Variants in SLF2 observed in about 807,000 individuals in gnomAD.
SLF2 encodes SMC5/6 complex localization factor 2.
A neutral mutation model predicts 124.3 loss-of-function variants in SLF2; 68 were observed. The observed-to-expected ratio is 0.55, with a 90% CI of 0.45 to 0.67. The LOEUF (loss-of-function observed/expected upper bound fraction) is 0.67, where lower values mean the gene tolerates loss of function less well. Ranked by LOEUF, SLF2 falls within the 30% of genes least tolerant of loss-of-function variation. The pLI, the probability that SLF2 is intolerant of heterozygous loss-of-function variation, is 0.00. For synonymous variants in SLF2, 480 were observed against 478.8 expected, an observed-to-expected ratio of 1.00 and a Z score of -0.03; for missense variants, 1,246 against 1,373.7, an observed-to-expected ratio of 0.91 and a Z score of 1.47.
At chr10:100,957,926 G>A (rs571757365) in intron 18 of SLF2, among the ~76,000 whole-genome samples, 1 of 152,156 alleles carries the variant, frequency 6.6e-6, no homozygotes, top group African/African-American at 2.4e-5. Context: ...GTGCGTGCCT[G>A]TAGTCTCAGC....
chr10:100,924,713 CA>C lies in SLF2; in HGVS notation c.1713del (p.Pro572LeufsTer22). The C allele has an allele frequency of 6.2e-7, 1 of 1,614,176 alleles. No homozygotes were observed. Among genetic ancestry groups the C allele is most frequent in the South Asian group, 1.1e-5 (1 of 91,086 alleles). ...EVVPCIPSPAAPSDKAPSEGE... is the reference protein window; with the variant it reads ...EVVPCIPSPAXPSDKAPSEGE... Reference sequence around the variant, plus strand: ...GTGCCATGTATCCCAAGCCCTGCAGCACCTTCAGATAAAGCCCCTTCAGAAG... The same window carrying C: ...GTGCCATGTATCCCAAGCCCTGCAGCCCTTCAGATAAAGCCCCTTCAGAAG... On this transcript the variant is annotated frameshift_variant, in exon 5 of 20. Transcript: ENST00000238961. LOFTEE classifies it high-confidence loss of function.
At chr10:100,939,219 C>A (rs555123715) in intron 11 of SLF2, among the ~76,000 whole-genome samples, 113 of 152,282 alleles carry the variant, frequency 7.4e-4, no homozygotes, top group South Asian at 2.5e-3. Context: ...TGAAGTGTAA[C>A]TAGTTAAAAG....
chr10:100,938,567 G>T (rs1849908371), intron 10 of SLF2, 28 bp from the exon 11 acceptor site: 1 of 1,593,254 alleles, frequency 6.3e-7, no homozygotes, highest in Admixed American at 1.8e-5. Flanking sequence ...CACAGATTTA[G>T]AATGAAATGT....
In SLF2 at chr10:100,956,543, T is replaced by G. The variant is rs1469048852; in HGVS notation, c.3417+6T>G. 6.3e-7 allele frequency: 1 copy of G among 1,574,892 alleles called. No homozygotes were observed. Among genetic ancestry groups the G allele is most frequent in the Non-Finnish European group, 8.6e-7 (1 of 1,164,112 alleles). ...GACTTTTTTACAGAACTAAGGTAAG[T>G]GTGTTCTTTCTTTTTTTCTTTTTTT... is the stretch of plus-strand genomic sequence containing the variant. On this transcript the variant is annotated splice_donor_region_variant and intron_variant, in intron 18 of 19. Coordinates refer to ENST00000238961, the MANE Select transcript of SLF2 (RefSeq NM_018121.4).
chr10:100,946,579 G>A (rs543475039), intron 13 of SLF2, among the ~76,000 whole-genome samples: 3 of 151,934 alleles, frequency 2.0e-5, no homozygotes, highest in Admixed American at 6.6e-5. Flanking sequence ...CACCTCCCTC[G>A]GCCTCCCAAA....
chr10:100,944,302 T>C (rs1284418888), intron 12 of SLF2, among the ~76,000 whole-genome samples, 174 bp downstream of exon 12: 2 of 151,962 alleles, frequency 1.3e-5, no homozygotes, highest in South Asian at 2.1e-4. Flanking sequence ...GAGACCATCC[T>C]GGCTAACACG....
intron 2 of SLF2, 145 bp from the exon 3 acceptor site, chr10:100,916,425 G>A: frequency 2.0e-6 from 1 of 506,690 alleles, no homozygotes. Context: ...CCAATAAAGT[G>A]TGTATCATTA....
chr10:100,961,969 AGAG>A lies in SLF2; in HGVS notation c.*61_*63del, dbSNP rs1850434201. ...GAGAAATTCAATAAGAGCCTTTCATAGAGGAGTAGAAAGGATTATTACAGAATC... is the reference window on the plus strand; with the variant it reads ...GAGAAATTCAATAAGAGCCTTTCATAGAGTAGAAAGGATTATTACAGAATC... On this transcript the variant is annotated 3_prime_UTR_variant, in exon 20 of 20. Coordinates refer to ENST00000238961, the MANE Select transcript of SLF2 (RefSeq NM_018121.4). The A allele has an allele frequency of 6.7e-7, 1 of 1,492,958 alleles. No homozygotes were observed. Among genetic ancestry groups the A allele is most frequent in the African/African-American group, 1.4e-5 (1 of 72,398 alleles). 92.5% of individuals were successfully genotyped at this position (1,492,958 alleles called of 1,614,324 possible).
At chr10:100,944,339 C>CA (rs369923584) in intron 12 of SLF2, among the ~76,000 whole-genome samples, 1,892 of 151,824 alleles carry the variant, frequency 0.012, 37 homozygotes, top group African/African-American at 0.04. Flanking sequence ...ACTAAAAATA[C>CA]AAAAAATTAG....
chr10:100,944,603 T>C (rs1226941180), intron 12 of SLF2, among the ~76,000 whole-genome samples: 3 of 152,264 alleles, frequency 2.0e-5, no homozygotes, highest in African/African-American at 4.8e-5. Flanking sequence ...TGTTTTTATT[T>C]TGTTTTAATA....
At chr10:100,926,045 C>T in intron 6 of SLF2, 26 bp downstream of exon 6, 4 of 1,614,122 alleles carry the variant, frequency 2.5e-6, no homozygotes, top group Non-Finnish European at 3.4e-6. Flanking sequence ...GATTAATTTG[C>T]TAAATTTAAC....
At chr10:100,934,239 G>A (rs926671287) in intron 9 of SLF2, among the ~76,000 whole-genome samples, 3 of 152,130 alleles carry the variant, frequency 2.0e-5, no homozygotes, top group African/African-American at 2.4e-5. Context: ...GTGTTGATAC[G>A]TTATCCTTTT....
Position 100,960,920 on chromosome 10 carries a change from T to C in SLF2, c.3487-957T>C, listed in dbSNP as rs943745677. Among the ~76,000 whole-genome samples the C allele has an allele frequency of 3.3e-5, 5 of 150,080 alleles. No individual in the cohort carries two copies. In the South Asian group the frequency reaches 8.4e-4, roughly 25 times the overall value. On this transcript the variant is annotated intron_variant, in intron 19 of 19. Coordinates refer to ENST00000238961, the MANE Select transcript of SLF2 (RefSeq NM_018121.4). ...GACGCTTCTCAAATTTTAATGTACA[T>C]AGGAATCAACTAGGAACTTGGTGAA... is the stretch of plus-strand genomic sequence containing the variant.
chr10:100,918,834 G>A (rs1345533028), intron 4 of SLF2, among the ~76,000 whole-genome samples: 2 of 151,952 alleles, frequency 1.3e-5, no homozygotes, highest in Non-Finnish European at 2.9e-5. Context: ...ACGTTGCCCA[G>A]GCTGGTCTCA....
chr10:100,912,967 C>T lies in SLF2; in HGVS notation c.-144C>T, dbSNP rs1194955050. 2 of 846,888 alleles carry T rather than the reference C, an allele frequency of 2.4e-6. No individual in the cohort carries two copies. The highest frequency in any genetic ancestry group is 3.5e-5 in the African/African-American group (2 of 57,426). The allele number at this position is 846,888 out of a possible 1,614,324, so 52.5% of individuals were successfully genotyped here. On this transcript the variant is annotated 5_prime_UTR_variant, in exon 1 of 20. Transcript: ENST00000238961. ...CTTCCCGCTCACGCCGGAGTCACTT[C>T]CGAAGAGAGAACCGCCATGAAGAGA... is the stretch of plus-strand genomic sequence containing the variant.
Position 100,956,507 on chromosome 10 carries a change from G to A in SLF2, c.3387G>A (p.Arg1129=), listed in dbSNP as rs947112949. 3 of 1,613,044 alleles carry A rather than the reference G, an allele frequency of 1.9e-6. No homozygotes were observed. The Admixed American group carries it at 5.0e-5, about 27-fold the overall frequency. ...ALEKHVKCDI[R]EDARLFYRTK... ...AAAAGCATGTTAAATGTGATATTAG[G>A]GAAGATGCAAGACTTTTTTACAGAA... Residue 1129 remains arginine, a synonymous_variant, in exon 18 of 20, where the codon AGG becomes AGA. Transcript: ENST00000238961.
In SLF2 at chr10:100,924,385, G is replaced by C; in HGVS notation, c.1384G>C (p.Ala462Pro). The C allele has an allele frequency of 6.2e-7, 1 of 1,613,960 alleles. No individual in the cohort carries two copies. ...TAGCAACCTTCAGAAAAATAAAACC[G>C]CTAGCTCCACGACAAAGGAGAAGGA... ...KASNLQKNKT[A>P]SSTTKEKETK... The change falls in exon 5 of 20, where the codon GCT becomes CCT. Residue 462 changes from alanine to proline, a missense_variant. Physicochemically the swap from Ala to Pro is conservative, Grantham distance 27. This residue lies in a region of SLF2 where 698 missense variants were observed against 708.9 expected (regional missense o/e 0.98). Transcript: ENST00000238961.
Position 100,922,816 on chromosome 10 carries a change from C to T in SLF2, c.974-1159C>T, listed in dbSNP as rs1054655036. ...TTTGAAACGGAGTCTTGCTCTGTTG[C>T]CCAGACTGGCGTGCAGTGGTGCCGT... is the stretch of plus-strand genomic sequence containing the variant. On this transcript the variant is annotated intron_variant, in intron 4 of 19. Coordinates refer to ENST00000238961, the MANE Select transcript of SLF2 (RefSeq NM_018121.4). 2.7e-5 allele frequency among the ~76,000 whole-genome samples: 4 copies of T among 150,092 alleles called. No homozygotes were observed. The Admixed American group carries it at 2.7e-4, about 10-fold the overall frequency.
rs1463177901 is a variant in SLF2 at position 100,931,038 on chromosome 10, A to T, written c.2396A>T (p.Tyr799Phe). The T allele has an allele frequency of 1.4e-5, 22 of 1,614,088 alleles. No individual in the cohort carries two copies. The highest frequency in any genetic ancestry group is 1.9e-5 in the Non-Finnish European group (22 of 1,179,990). ...TQGFLTSAYH[Y>F]VQCPVPVLKW... The stretch of plus-strand genomic sequence containing the variant: ...GGTTTCCTTACGTCTGCTTATCACT[A>T]TGTCCAGTGTCCTGTCCCTGTGTTA... The change falls in exon 9 of 20, where the codon TAT becomes TTT. Residue 799 changes from tyrosine to phenylalanine, a missense_variant. Physicochemically the swap from Tyr to Phe is conservative, Grantham distance 22. This residue lies in a region of SLF2 where 535 missense variants were observed against 632.8 expected (regional missense o/e 0.85). Transcript: ENST00000238961.
Sources: allele counts gnomAD v4.1 joint callset (sites outside exome capture counted in the v4.1 genomes callset), GRCh38; gene constraint gnomAD v4.1.1; regional missense constraint gnomAD v4.1.1; transcripts MANE v1.5; gene names NCBI Gene and HGNC (gene_info 2026-07-23, HGNC 2026-07-21).